FHIT: variants seen among roughly 807,000 people sequenced by gnomAD.
FHIT encodes the protein fragile histidine triad diadenosine triphosphatase.
A neutral mutation model predicts 17.9 loss-of-function variants in FHIT; 19 were observed. The ratio of observed to expected loss-of-function variants is 1.06; its 90% confidence interval spans 0.74 to 1.56. The LOEUF is 1.56. Among genes scored for constraint, FHIT ranks in the 40% most tolerant of loss-of-function variants. The pLI is 0.00. For synonymous variants in FHIT, 81 were observed against 69.7 expected (o/e 1.16, Z -0.81); for missense variants, 248 against 189.2 (o/e 1.31, Z -1.82).
intron 7 of FHIT, among the ~76,000 whole-genome samples, chr3:59,988,741 C>A (rs1355359620): frequency 5.3e-5 from 8 of 152,068 alleles, no homozygotes; most frequent in Non-Finnish European, 1.2e-4. Flanking sequence ...AGGACGACTT[C>A]CCTGTGGGGG....
chr3:60,685,423 G>A (rs184310358), intron 4 of FHIT, among the ~76,000 whole-genome samples: 4 of 152,170 alleles, frequency 2.6e-5, no homozygotes, highest in Non-Finnish European at 5.9e-5. Context: ...TAAAATGGAC[G>A]GGAGAAAGAA....
chr3:61,097,793 T>A (rs906856445), intron 2 of FHIT, among the ~76,000 whole-genome samples: 1 of 152,150 alleles, frequency 6.6e-6, no homozygotes, highest in African/African-American at 2.4e-5. Flanking sequence ...CACTTTTTAA[T>A]GGGGTTGTTT....
intron 5 of FHIT, among the ~76,000 whole-genome samples, chr3:60,440,423 G>C (rs2030693846): frequency 6.6e-6 from 1 of 152,094 alleles, no homozygotes; most frequent in African/African-American, 2.4e-5. Flanking sequence ...ATGTCAAATA[G>C]GGCTCATACC....
chr3:60,341,060 T>C lies in FHIT; in HGVS notation c.103+195800A>G, dbSNP rs76661610. ...TTGGGGAATATGATACCTCCATATT[T>C]GGATGGCTGACTTTTGGTATCTGCA... On this transcript the variant is annotated intron_variant, in intron 5 of 9. Transcript: ENST00000492590. Among the ~76,000 whole-genome samples, 180 of 152,254 alleles carry C rather than the reference T, an allele frequency of 1.2e-3. 1 individual carries two copies. Among genetic ancestry groups the C allele is most frequent in the African/African-American group, 4.2e-3 (175 of 41,558 alleles).
intron 5 of FHIT, among the ~76,000 whole-genome samples, chr3:60,069,621 C>T (rs2630181): frequency 0.33 from 50,566 of 151,962 alleles, 9,724 homozygotes; most frequent in African/African-American, 0.53. Flanking sequence ...AATAATTCAA[C>T]TAACTATGAC....
At chr3:60,525,773 T>C (rs2107576145) in intron 5 of FHIT, among the ~76,000 whole-genome samples, 1 of 152,276 alleles carries the variant, frequency 6.6e-6, no homozygotes, top group African/African-American at 2.4e-5. Context: ...TATGCTAGCG[T>C]TAAAGGCAGA....
chr3:60,238,863 T>TG (rs1436532809), intron 5 of FHIT, among the ~76,000 whole-genome samples: 1 of 152,210 alleles, frequency 6.6e-6, no homozygotes, highest in East Asian at 1.9e-4. Context: ...GACTGAGCTT[T>TG]GGCAAGTACA....
At chr3:60,330,486 C>T (rs769732507) in intron 5 of FHIT, among the ~76,000 whole-genome samples, 67 of 152,340 alleles carry the variant, frequency 4.4e-4, no homozygotes, top group Admixed American at 2.2e-3. Context: ...CCAGGCATGA[C>T]TGTTCACTGT....
intron 5 of FHIT, among the ~76,000 whole-genome samples, chr3:60,373,195 T>G (rs575716996): frequency 6.6e-6 from 1 of 152,136 alleles, no homozygotes. Flanking sequence ...CATGATCTGA[T>G]TGTAATTGTG....
intron 2 of FHIT, among the ~76,000 whole-genome samples, chr3:61,084,288 T>G (rs150953965): frequency 6.6e-6 from 1 of 152,246 alleles, no homozygotes; most frequent in Non-Finnish European, 1.5e-5. Context: ...TTGCTTATCC[T>G]TGTGCAATAC....
At chr3:59,972,380 C>A (rs935929169) in intron 7 of FHIT, among the ~76,000 whole-genome samples, 3 of 152,080 alleles carry the variant, frequency 2.0e-5, no homozygotes, top group African/African-American at 7.2e-5. Context: ...AAGCTTGGTT[C>A]ACTAGCCATC....
At chr3:60,955,915 T>G (rs541507113) in intron 3 of FHIT, among the ~76,000 whole-genome samples, 1 of 152,072 alleles carries the variant, frequency 6.6e-6, no homozygotes, top group Non-Finnish European at 1.5e-5. Flanking sequence ...TCTCAAAACA[T>G]CAAGGTTAAG....
chr3:60,306,828 C>T (rs1044532576), intron 5 of FHIT, among the ~76,000 whole-genome samples: 53 of 152,090 alleles, frequency 3.5e-4, no homozygotes, highest in Admixed American at 2.6e-3. Flanking sequence ...ACTTGGTGCT[C>T]GTCAGTGCTC....
intron 3 of FHIT, among the ~76,000 whole-genome samples, chr3:60,935,003 C>A (rs1553772734): frequency 6.6e-6 from 1 of 152,144 alleles, no homozygotes; most frequent in Non-Finnish European, 1.5e-5. Flanking sequence ...ATTTTCACCT[C>A]TTCTGTGAAG....
intron 3 of FHIT, among the ~76,000 whole-genome samples, chr3:61,004,622 C>T (rs1031824387): frequency 1.3e-5 from 2 of 152,250 alleles, no homozygotes; most frequent in African/African-American, 2.4e-5. Context: ...AGGAACATAG[C>T]CAGCTCAAAG....
At chr3:59,989,533 G>T (rs912592555) in intron 7 of FHIT, among the ~76,000 whole-genome samples, 7 of 152,040 alleles carry the variant, frequency 4.6e-5, no homozygotes, top group Non-Finnish European at 7.4e-5. Flanking sequence ...CAGGGTCTCT[G>T]AGGGCTGGGC....
intron 8 of FHIT, among the ~76,000 whole-genome samples, chr3:59,782,138 AAAG>A (rs1425725188): frequency 1.3e-5 from 2 of 152,174 alleles, no homozygotes; most frequent in African/African-American, 4.8e-5. Context: ...TCTGATTCCT[AAAG>A]AAGTATATGA....
intron 3 of FHIT, among the ~76,000 whole-genome samples, chr3:60,847,193 C>G (rs998405784): frequency 6.6e-6 from 1 of 152,164 alleles, no homozygotes; most frequent in African/African-American, 2.4e-5. Context: ...CAATAGGGTG[C>G]TACATTTTAA....
At chr3:60,203,969 G>C (rs1010725410) in intron 5 of FHIT, among the ~76,000 whole-genome samples, 2 of 152,090 alleles carry the variant, frequency 1.3e-5, no homozygotes, top group Non-Finnish European at 2.9e-5. Flanking sequence ...GGGGTGAATA[G>C]TTAGTGAGTA....
Sources: allele counts gnomAD v4.1 joint callset (sites outside exome capture counted in the v4.1 genomes callset), GRCh38; gene constraint gnomAD v4.1.1; transcripts MANE v1.5; gene names NCBI Gene and HGNC (gene_info 2026-07-23, HGNC 2026-07-21).